TLK2: variants seen among roughly 807,000 people sequenced by gnomAD.
TLK2 encodes tousled like kinase 2.
In TLK2, 6 loss-of-function variants were observed where a neutral mutation model predicts 117.3. That is an observed-to-expected ratio of 0.05 (90% confidence interval 0.03 to 0.10). TLK2 has a LOEUF of 0.10. TLK2 is among the 10% of genes least tolerant of loss of function. The pLI is 1.00. For missense variants in TLK2, 299 were observed against 901.2 expected (o/e 0.33, Z 8.56); for synonymous variants, 257 against 316.7 (o/e 0.81, Z 2.00).
intron 2 of TLK2, among the ~76,000 whole-genome samples, chr17:62,491,712 A>G (rs1303690615): frequency 6.6e-6 from 1 of 152,046 alleles, no homozygotes; most frequent in Non-Finnish European, 1.5e-5. Flanking sequence ...CAGCCTCCCT[A>G]GTAGTTGGGA....
At chr17:62,591,095 C>T (rs1334779759) in intron 16 of TLK2, among the ~76,000 whole-genome samples, 1 of 151,942 alleles carries the variant, frequency 6.6e-6, no homozygotes, top group Non-Finnish European at 1.5e-5. Flanking sequence ...ACTAAAAATA[C>T]AAAATTAGCT....
chr17:62,553,484 C>A, intron 8 of TLK2, 179 bp from the exon 9 acceptor site: 1 of 582,804 alleles, frequency 1.7e-6, no homozygotes, highest in Non-Finnish European at 3.1e-6. Context: ...AGGAACCCAG[C>A]AGAGGACTTG....
At chr17:62,486,263 T>C (rs1192617230) in intron 2 of TLK2, among the ~76,000 whole-genome samples, 1 of 152,074 alleles carries the variant, frequency 6.6e-6, no homozygotes. Flanking sequence ...TTCAAGCGAT[T>C]CTCTTGCCTC....
chr17:62,561,188 A>G (rs1311801987), intron 10 of TLK2, among the ~76,000 whole-genome samples: 2 of 152,204 alleles, frequency 1.3e-5, no homozygotes, highest in Non-Finnish European at 2.9e-5. Flanking sequence ...ATAGTATTCC[A>G]TGGTATATAT....
At chr17:62,560,653 C>T (rs1437046974) in intron 10 of TLK2, among the ~76,000 whole-genome samples, 1 of 150,574 alleles carries the variant, frequency 6.6e-6, no homozygotes, top group Non-Finnish European at 1.5e-5. Flanking sequence ...GTATTAGTAA[C>T]TATTAGAATT....
chr17:62,584,313 G>A (rs1253803417), intron 15 of TLK2, among the ~76,000 whole-genome samples: 2 of 151,110 alleles, frequency 1.3e-5, no homozygotes, highest in South Asian at 4.2e-4. Flanking sequence ...TAGAGACAGG[G>A]TTTCACCATG....
At chr17:62,508,167 A>AG (rs1175467746) in intron 2 of TLK2, among the ~76,000 whole-genome samples, 7 of 71,326 alleles carry the variant, frequency 9.8e-5, no homozygotes, top group Admixed American at 2.4e-4. Flanking sequence ...AAAATTTCCT[A>AG]GTTTTTTTTT....
intron 7 of TLK2, among the ~76,000 whole-genome samples, chr17:62,548,162 C>G (rs1381927417): frequency 6.6e-6 from 1 of 151,710 alleles, no homozygotes; most frequent in African/African-American, 2.4e-5. Flanking sequence ...GTTAAGTGCT[C>G]ACACTTTGAA....
chr17:62,482,392 A>G (rs2071773478), intron 2 of TLK2, among the ~76,000 whole-genome samples: 1 of 151,840 alleles, frequency 6.6e-6, no homozygotes, highest in Non-Finnish European at 1.5e-5. Context: ...TTAGTTGGAA[A>G]AATGGGCTTC....
chr17:62,590,444 A>G (rs1281379460), intron 16 of TLK2, among the ~76,000 whole-genome samples: 3 of 152,184 alleles, frequency 2.0e-5, no homozygotes, highest in African/African-American at 7.2e-5. Context: ...CTCCGTCTCA[A>G]AAACAAAAAC....
intron 11 of TLK2, among the ~76,000 whole-genome samples, chr17:62,566,410 A>G (rs1416907190): frequency 2.0e-5 from 3 of 152,248 alleles, no homozygotes; most frequent in Non-Finnish European, 2.9e-5. Flanking sequence ...AGACGTTAGT[A>G]GTCCTTGTTT....
chr17:62,488,911 G>C (rs557945473), intron 2 of TLK2, among the ~76,000 whole-genome samples: 196 of 137,580 alleles, frequency 1.4e-3, no homozygotes, highest in African/African-American at 5.1e-3. Context: ...CTGCAGCCTT[G>C]ACCTCCTGGG....
At chr17:62,550,527 G>A (rs1173072704) in intron 7 of TLK2, 2 of 152,222 alleles carry the variant, frequency 1.3e-5, no homozygotes, top group African/African-American at 4.8e-5. Context: ...CTAGCACCTA[G>A]CACAGTGCTT....
intron 6 of TLK2, among the ~76,000 whole-genome samples, chr17:62,529,155 G>C (rs2076574267): frequency 6.6e-6 from 1 of 152,102 alleles, no homozygotes; most frequent in Admixed American, 6.5e-5. Flanking sequence ...GAAGTTGTCT[G>C]TTTCTTCTTA....
intron 7 of TLK2, among the ~76,000 whole-genome samples, chr17:62,539,578 C>G (rs2077362571): frequency 6.6e-6 from 1 of 150,918 alleles, no homozygotes; most frequent in South Asian, 2.1e-4. Context: ...CTCCTGGGCT[C>G]AAGCGATTTC....
intron 16 of TLK2, among the ~76,000 whole-genome samples, chr17:62,592,717 G>T (rs986142110): frequency 1.3e-5 from 2 of 152,134 alleles, no homozygotes; most frequent in Admixed American, 6.5e-5. Context: ...TGATTCAAGC[G>T]CATTACATTT....
At chr17:62,569,074 G>T (rs2080049608) in intron 11 of TLK2, among the ~76,000 whole-genome samples, 1 of 151,856 alleles carries the variant, frequency 6.6e-6, no homozygotes, top group African/African-American at 2.4e-5. Flanking sequence ...GGAGGTCGAG[G>T]TGGGTGCATA....
intron 16 of TLK2, among the ~76,000 whole-genome samples, chr17:62,593,363 AAATT>A (rs1165710454): frequency 6.6e-6 from 1 of 152,170 alleles, no homozygotes; most frequent in African/African-American, 2.4e-5. Flanking sequence ...CTTCAAGTAT[AAATT>A]AACCTTCACT....
At chr17:62,600,876 A>G in intron 18 of TLK2, 56 bp downstream of exon 18, 3 of 1,466,808 alleles carry the variant, frequency 2.0e-6, no homozygotes, top group Non-Finnish European at 2.7e-6. Context: ...CTTATAAGTG[A>G]CTTTTAATTT....
Sources: allele counts gnomAD v4.1 joint callset (sites outside exome capture counted in the v4.1 genomes callset), GRCh38; gene constraint gnomAD v4.1.1; transcripts MANE v1.5; gene names NCBI Gene and HGNC (gene_info 2026-07-23, HGNC 2026-07-21).